The following ROBO2 variants were observed in gnomAD, a reference collection of about 807,000 sequenced individuals.
The protein encoded by ROBO2 is roundabout homolog 2.
A neutral mutation model predicts 160.8 loss-of-function variants in ROBO2; 53 were observed. The observed-to-expected ratio is 0.33, with a 90% CI of 0.26 to 0.41. The LOEUF (loss-of-function observed/expected upper bound fraction) is 0.41. ROBO2 is among the 10% of genes least tolerant of loss of function. The probability of loss-of-function intolerance (pLI) is 1.00; values close to 1 mark genes in which losing one functional copy is unlikely to be tolerated. For synonymous variants in ROBO2, 664 were observed against 611.7 expected, an observed-to-expected ratio of 1.09 and a Z score of -1.26; for missense variants, 1,577 against 1,722.4, an observed-to-expected ratio of 0.92 and a Z score of 1.49.
intron 2 of ROBO2, among the ~76,000 whole-genome samples, chr3:76,969,448 A>G (rs1038865083): frequency 6.6e-6 from 1 of 152,148 alleles, no homozygotes; most frequent in Non-Finnish European, 1.5e-5. Flanking sequence ...GCCTAATTTT[A>G]TTATTTCTAG....
intron 2 of ROBO2, among the ~76,000 whole-genome samples, chr3:77,175,081 C>T (rs2080010660): frequency 1.3e-5 from 2 of 151,970 alleles, no homozygotes; most frequent in South Asian, 2.1e-4. Flanking sequence ...TCATGACAAC[C>T]CTGTCAGGTA....
intron 2 of ROBO2, among the ~76,000 whole-genome samples, chr3:76,708,653 C>G (rs150149720): frequency 3.9e-4 from 59 of 152,214 alleles, no homozygotes; most frequent in African/African-American, 1.4e-3. Flanking sequence ...TATGCCTTGC[C>G]CAGCAATTTG....
chr3:76,115,110 A>G (rs532156785), intron 2 of ROBO2, among the ~76,000 whole-genome samples: 27 of 152,274 alleles, frequency 1.8e-4, no homozygotes, highest in African/African-American at 6.3e-4. Context: ...TCAACTTCGC[A>G]TAAATCACTG....
At chr3:77,155,004 T>A (rs573847269) in intron 2 of ROBO2, among the ~76,000 whole-genome samples, 7 of 151,936 alleles carry the variant, frequency 4.6e-5, no homozygotes, top group African/African-American at 1.7e-4. Context: ...GCACGTATAC[T>A]CCCTGAAACT....
intron 21 of ROBO2, among the ~76,000 whole-genome samples, chr3:77,613,395 C>A (rs994419498): frequency 4.0e-5 from 6 of 151,874 alleles, no homozygotes; most frequent in Admixed American, 3.9e-4. Flanking sequence ...TCCTTGGCAA[C>A]GAACGAGTGT....
chr3:76,130,193 A>C (rs1172186605), intron 2 of ROBO2, among the ~76,000 whole-genome samples: 7 of 152,072 alleles, frequency 4.6e-5, no homozygotes, highest in Admixed American at 4.6e-4. Flanking sequence ...TCTAGAAAAA[A>C]ATATGCAAAT....
At chr3:75,915,159 A>G (rs991812274) in intron 1 of ROBO2, among the ~76,000 whole-genome samples, 3 of 152,210 alleles carry the variant, frequency 2.0e-5, no homozygotes, top group Non-Finnish European at 4.4e-5. Flanking sequence ...TTGCCTCTCT[A>G]GTTTGATCAC....
intron 2 of ROBO2, among the ~76,000 whole-genome samples, chr3:76,195,280 T>A (rs1702208896): frequency 6.6e-6 from 1 of 152,080 alleles, no homozygotes; most frequent in Non-Finnish European, 1.5e-5. Flanking sequence ...AATATAAACA[T>A]GTAGTTAAGC....
intron 17 of ROBO2, 34 bp from the exon 19 acceptor site, chr3:77,595,108 G>A (rs1294366440): frequency 1.3e-6 from 2 of 1,570,396 alleles, no homozygotes; most frequent in Non-Finnish European, 1.8e-6. Context: ...GACTACTTGT[G>A]TGTGCATGTC....
chr3:75,934,215 G>T (rs1185704640), intron 1 of ROBO2, among the ~76,000 whole-genome samples: 2 of 152,134 alleles, frequency 1.3e-5, no homozygotes, highest in African/African-American at 4.8e-5. Flanking sequence ...TTACCTCTCT[G>T]TTCACTGCAT....
At chr3:76,126,689 G>C (rs116663555) in intron 2 of ROBO2, among the ~76,000 whole-genome samples, 1,981 of 152,094 alleles carry the variant, frequency 0.013, 38 homozygotes, top group African/African-American at 0.045. Context: ...ATATTCTATG[G>C]AATTAGAAAC....
intron 5 of ROBO2, among the ~76,000 whole-genome samples, chr3:77,520,849 A>G (rs2090518640): frequency 6.6e-6 from 1 of 151,402 alleles, no homozygotes; most frequent in Non-Finnish European, 1.5e-5. Context: ...TTCTGAGGCC[A>G]TTATCAAAAT....
intron 2 of ROBO2, among the ~76,000 whole-genome samples, chr3:77,396,496 A>C (rs2075296451): frequency 6.6e-6 from 1 of 152,124 alleles, no homozygotes; most frequent in African/African-American, 2.4e-5. Context: ...AGTTACTGTG[A>C]CCATCAGCAA....
chr3:76,824,309 A>T (rs1430694623), intron 2 of ROBO2, among the ~76,000 whole-genome samples: 1 of 152,116 alleles, frequency 6.6e-6, no homozygotes, highest in African/African-American at 2.4e-5. Context: ...CAGTTCTGTT[A>T]CTACCTGGAA....
intron 2 of ROBO2, among the ~76,000 whole-genome samples, chr3:76,994,542 C>G (rs541133985): frequency 6.6e-6 from 1 of 152,148 alleles, no homozygotes; most frequent in Admixed American, 6.6e-5. Context: ...TCTCTGAAAT[C>G]ATAATCAGAA....
chr3:75,917,511 C>CT (rs1946862802), intron 1 of ROBO2, among the ~76,000 whole-genome samples: 2 of 152,162 alleles, frequency 1.3e-5, no homozygotes, highest in Admixed American at 6.5e-5. Flanking sequence ...GTACATGTGT[C>CT]TTTATAGCAG....
At chr3:77,061,188 A>G (rs1578625639) in intron 1 of ROBO2, among the ~76,000 whole-genome samples, 1 of 152,316 alleles carries the variant, frequency 6.6e-6, no homozygotes, top group East Asian at 1.9e-4. Context: ...AAAGACATGC[A>G]TGTACATACA....
intron 2 of ROBO2, among the ~76,000 whole-genome samples, chr3:76,317,718 A>G (rs1306813745): frequency 6.6e-6 from 1 of 152,120 alleles, no homozygotes; most frequent in Non-Finnish European, 1.5e-5. Context: ...TATATGTTCA[A>G]AAGATTATTA....
chr3:77,559,603 A>G (rs1379393794), intron 9 of ROBO2, among the ~76,000 whole-genome samples: 1 of 152,108 alleles, frequency 6.6e-6, no homozygotes, highest in Non-Finnish European at 1.5e-5. Context: ...TTCTGGAGCT[A>G]AAAAGAAAGG....
Sources: gnomAD v4.1 joint callset for allele counts (sites outside exome capture counted in the v4.1 genomes callset) on GRCh38, gnomAD v4.1.1 for gene constraint, MANE v1.5 for transcripts, NCBI Gene and HGNC (gene_info 2026-07-23, HGNC 2026-07-21) for gene names.